SH3D21: variants seen among roughly 807,000 people sequenced by gnomAD.
The protein encoded by SH3D21 is SH3 domain-containing protein 21.
SH3D21 carries 83 observed loss-of-function variants against 82.1 expected under a neutral mutation model. That is an observed-to-expected ratio of 1.01 (90% CI 0.85 to 1.21). The LOEUF (loss-of-function observed/expected upper bound fraction) is 1.21, where lower values mean the gene tolerates loss of function less well. Among genes scored for constraint, SH3D21 ranks in the 50% most tolerant of loss-of-function variants. The probability of loss-of-function intolerance (pLI) is 0.00; values close to 1 mark genes in which losing one functional copy is unlikely to be tolerated. For synonymous variants in SH3D21, 383 were observed against 387.8 expected (o/e 0.99, Z 0.15); for missense variants, 980 against 962.1 (o/e 1.02, Z -0.25).
Position 36,307,114 on chromosome 1 carries a change from C to G in SH3D21, c.227-53C>G. The G allele has an allele frequency of 6.5e-7, 1 of 1,547,182 alleles. No individual in the cohort carries two copies. The highest frequency in any genetic ancestry group is 8.7e-7 in the Non-Finnish European group (1 of 1,144,374). On this transcript the variant is annotated intron_variant, in intron 3 of 15. Coordinates refer to ENST00000453908, the MANE Select transcript of SH3D21 (RefSeq NM_001162530.2). This position sits in a 1 kb window ranked among gnomAD's most constrained non-coding sequence, Gnocchi z 5.4. The stretch of plus-strand genomic sequence containing the variant: ...CGTGCGCGCCTTGCGCTTCCCCCAG[C>G]TCCTCTGACTGGGGCGTCCGACTGG...
chr1:36,323,092 C>A, downstream of SH3D21: 1 of 1,572,108 alleles, frequency 6.4e-7, no homozygotes, highest in South Asian at 1.2e-5. Context: ...AAGTCAGATC[C>A]TTCTCCCAGC....
rs1646196004 is a variant in SH3D21 at position 36,309,536 on chromosome 1, T to C, written c.727-12T>C. 1 of 1,551,374 alleles carries C rather than the reference T, an allele frequency of 6.4e-7. No homozygotes were observed. Among genetic ancestry groups the C allele is most frequent in the African/African-American group, 1.4e-5 (1 of 73,036 alleles). On this transcript the variant is annotated splice_polypyrimidine_tract_variant and intron_variant, in intron 9 of 15. Coordinates refer to ENST00000453908, the MANE Select transcript of SH3D21 (RefSeq NM_001162530.2). The stretch of plus-strand genomic sequence containing the variant: ...ATTAAGGATGCTCAACCTTTACTTC[T>C]TTTCGGCATAGATCAAGAAGCTGGT...
At chr1:36,325,575 C>T (rs939395714), downstream of SH3D21, among the ~76,000 whole-genome samples, 3 of 151,892 alleles carry the variant, frequency 2.0e-5, no homozygotes, top group African/African-American at 2.4e-5. Flanking sequence ...GACGGAGTCT[C>T]GCTCTGTCAC....
Position 36,307,962 on chromosome 1 carries a change from A to G in SH3D21, c.537A>G (p.Thr179=). The change falls in exon 7 of 16, where the codon ACA becomes ACG. Residue 179 remains threonine, a splice_region_variant and synonymous_variant. Transcript: ENST00000453908. The surrounding 1 kb of genome is among the most constrained non-coding windows in gnomAD (Gnocchi z 5.4). Reference sequence around the variant, plus strand: ...ACAGCCCTCCAGACTACCTGCAGACAGGTGAGCACCCATCCAAAGGGTCCC... The same window carrying G: ...ACAGCCCTCCAGACTACCTGCAGACGGGTGAGCACCCATCCAAAGGGTCCC... ...AYDSPPDYLQ[T]VSHPEVYRVL... The G allele has an allele frequency of 6.4e-7, 1 of 1,551,712 alleles. No homozygotes were observed. The highest frequency in any genetic ancestry group is 8.7e-7 in the Non-Finnish European group (1 of 1,147,006).
intron 10 of SH3D21, among the ~76,000 whole-genome samples, chr1:36,314,507 G>C (rs1329310234): frequency 6.7e-6 from 1 of 148,576 alleles, no homozygotes; most frequent in Non-Finnish European, 1.5e-5. Flanking sequence ...CCAGGCTGGA[G>C]TGCAGTGGCA....
chr1:36,323,646 G>A (rs1175487790), downstream of SH3D21: 2 of 152,112 alleles, frequency 1.3e-5, no homozygotes, highest in Non-Finnish European at 2.9e-5. Flanking sequence ...GAGGAAAGAG[G>A]AGGGACGGGG....
chr1:36,317,095 C>T (rs1646358235), intron 10 of SH3D21, among the ~76,000 whole-genome samples: 1 of 152,162 alleles, frequency 6.6e-6, no homozygotes, highest in African/African-American at 2.4e-5. Context: ...CCTAATCAGC[C>T]ATACTGTAAG....
downstream of SH3D21, chr1:36,322,220 C>G: frequency 7.1e-7 from 1 of 1,406,678 alleles, no homozygotes; most frequent in Non-Finnish European, 9.2e-7. Flanking sequence ...CGAGGCAGTC[C>G]GAAGGTGTGG....
At chr1:36,322,019 G>A, downstream of SH3D21, 1 of 1,274,968 alleles carries the variant, frequency 7.8e-7, no homozygotes, top group Non-Finnish European at 9.9e-7. Context: ...GTAACAGAGG[G>A]AGAGACTGAG....
chr1:36,323,021 C>T, downstream of SH3D21: 1 of 1,599,374 alleles, frequency 6.3e-7, no homozygotes, highest in Non-Finnish European at 8.5e-7. Flanking sequence ...CTCCATGTCC[C>T]TTCGCGGGGC....
At position 36,320,179 on chromosome 1, in the gene SH3D21, T is replaced by G; in HGVS notation, c.1516T>G (p.Phe506Val). The G allele has an allele frequency of 6.2e-7, 1 of 1,613,566 alleles. No individual in the cohort carries two copies. The highest frequency in any genetic ancestry group is 8.5e-7 in the Non-Finnish European group (1 of 1,180,018). The change falls in exon 14 of 16, where the codon TTC (phenylalanine) becomes GTC (valine). Residue 506 changes from phenylalanine (F) to valine (V), a missense_variant. Coordinates refer to ENST00000453908, the MANE Select transcript of SH3D21 (RefSeq NM_001162530.2). ...CAGAGATGACATTCAATTCCATCACTTCTCTTCGGAGGAAGCCCTGCAGAA... is the reference window on the plus strand; with the variant it reads ...CAGAGATGACATTCAATTCCATCACGTCTCTTCGGAGGAAGCCCTGCAGAA... ...STRDDIQFHH[F>V]SSEEALQKVK...
chr1:36,306,709 G>T lies in SH3D21; in HGVS notation c.116G>T (p.Gly39Val). 5.4e-6 allele frequency: 7 copies of T among 1,293,344 alleles called. No homozygotes were observed. The highest frequency in any genetic ancestry group is 6.1e-6 in the Non-Finnish European group (6 of 987,620). The allele number at this position is 1,293,344 out of a possible 1,614,324, so 80.1% of individuals were successfully genotyped here. ...RWVPARGWLR[G>V]EFGGRYGLFP... ...GTGCCCGCGCGGGGCTGGCTTCGCG[G>T]AGAGTTTGGGGGCCGCTATGGCCTC... Residue 39 changes from glycine to valine, a missense_variant, in exon 2 of 16, where the codon GGA becomes GTA. Coordinates refer to ENST00000453908, the MANE Select transcript of SH3D21 (RefSeq NM_001162530.2). The surrounding 1 kb of genome is among the most constrained non-coding windows in gnomAD (Gnocchi z 4.5).
rs572849665 is a variant in SH3D21 at position 36,319,094 on chromosome 1, T to C, written c.793T>C (p.Leu265=). 14 of 1,551,078 alleles carry C rather than the reference T, an allele frequency of 9.0e-6. No homozygotes were observed. The African/African-American group carries it at 1.6e-4, about 18-fold the overall frequency. ...AGCTCCTATTAAGGAACCAAAAAAG[T>C]TGATGCCCAAAACATCCCTCCCCAC... ...ESAPIKEPKK[L]MPKTSLPTVK... The change falls in exon 11 of 16, where the codon TTG becomes CTG. Residue 265 remains leucine (L), a synonymous_variant. Coordinates refer to ENST00000453908, the MANE Select transcript of SH3D21 (RefSeq NM_001162530.2).
Position 36,306,627 on chromosome 1 carries a change from CAGA to C in SH3D21, c.37_39del (p.Lys13del), listed in dbSNP as rs1216790875. On this transcript the variant is annotated inframe_deletion, in exon 2 of 16. Transcript: ENST00000453908. This position sits in a 1 kb window ranked among gnomAD's most constrained non-coding sequence, Gnocchi z 4.5. ...CCTCGTCCTGGCCGGATACCGCGCG[CAGA>C]AGGAGGACGAGCTGAGTCTGGCGCC... 22 of 1,302,510 alleles carry C rather than the reference CAGA, an allele frequency of 1.7e-5. No homozygotes were observed. The highest frequency in any genetic ancestry group is 4.6e-5 in the Admixed American group (2 of 43,524). 80.7% of individuals were successfully genotyped at this position (1,302,510 alleles called of 1,614,324 possible). A position where few individuals can be genotyped will look rare whatever the true frequency, so the allele number is the denominator to read the frequency against.
downstream of SH3D21, chr1:36,321,705 G>A: frequency 9.8e-7 from 1 of 1,017,022 alleles, no homozygotes; most frequent in Non-Finnish European, 1.2e-6. The surrounding 1 kb of genome is among the most constrained non-coding windows in gnomAD (Gnocchi z 6.1). Flanking sequence ...CCTGAGGCCT[G>A]GTGTGTGTGT....
At position 36,320,967 on chromosome 1, in the gene SH3D21, C is replaced by G; in HGVS notation, c.2188C>G (p.Arg730Gly). The change falls in exon 15 of 16, where the codon CGG (arginine) becomes GGG (glycine). Residue 730 changes from arginine to glycine, a missense_variant. By Grantham distance (125) the Arg-to-Gly change is moderately radical. Coordinates refer to ENST00000453908, the MANE Select transcript of SH3D21 (RefSeq NM_001162530.2). ...GCTGAAGAGCGAGAAGGAGCAGCGC[C>G]GGCGGCTGGAGGTGAGGCGCGGGTC... ...EELKSEKEQR[R>G]RLEVQVMQGT... 6.4e-7 allele frequency: 1 copy of G among 1,570,924 alleles called. No individual in the cohort carries two copies. Among genetic ancestry groups the G allele is most frequent in the Non-Finnish European group, 8.6e-7 (1 of 1,158,304 alleles).
downstream of SH3D21, chr1:36,323,148 A>C (rs1646497014): frequency 1.6e-6 from 2 of 1,243,160 alleles, no homozygotes; most frequent in Admixed American, 5.9e-5. Flanking sequence ...CTCTCCCGGG[A>C]GCCGCGGGCC....
rs76695875 is a variant in SH3D21 at position 36,308,160 on chromosome 1, C to G, written c.590C>G (p.Pro197Arg). ...CTGTTTGACTACCAGCCTGAGGCCC[C>G]AGACGAGTTGGCGCTGCGGAGGGGG... is the stretch of plus-strand genomic sequence containing the variant. ...RVLFDYQPEA[P>R]DELALRRGDV... Residue 197 changes from proline to arginine, a missense_variant, in exon 8 of 16, where the codon CCA (proline) becomes CGA (arginine). By Grantham distance (103) the Pro-to-Arg change is moderately radical. Transcript: ENST00000453908. 6,842 of 1,549,758 alleles carry G rather than the reference C, an allele frequency of 4.4e-3. 20 individuals carry two copies. The highest frequency in any genetic ancestry group is 6.5e-3 in the Middle Eastern group (39 of 5,974).
Position 36,321,095 on chromosome 1 carries a change from C to G in SH3D21, c.2239C>G (p.Arg747Gly), listed in dbSNP as rs368570634. The G allele has an allele frequency of 2.3e-5, 37 of 1,612,234 alleles. No individual in the cohort carries two copies. The African/African-American group carries it at 3.9e-4, about 17-fold the overall frequency. ...MQGTQKSQTP[R>G]VIHTQTQTY ...GGGGACCCAGAAGTCCCAGACCCCGCGCGTCATCCACACGCAGACGCAGAC... is the reference window on the plus strand; with the variant it reads ...GGGGACCCAGAAGTCCCAGACCCCGGGCGTCATCCACACGCAGACGCAGAC... The change falls in exon 16 of 16, where the codon CGC (arginine) becomes GGC (glycine). Residue 747 changes from arginine (R) to glycine (G), a missense_variant. Arg to Gly is a moderately radical substitution (Grantham distance 125). Transcript: ENST00000453908. The surrounding 1 kb of genome is among the most constrained non-coding windows in gnomAD (Gnocchi z 6.1).
Sources: allele counts gnomAD v4.1 joint callset (sites outside exome capture counted in the v4.1 genomes callset), GRCh38; gene constraint gnomAD v4.1.1; non-coding constraint Gnocchi (gnomAD v3.1); transcripts MANE v1.5; gene names NCBI Gene and HGNC (gene_info 2026-07-23, HGNC 2026-07-21).